The following ADCY8 variants were observed in gnomAD, a reference collection of about 807,000 sequenced individuals.
The protein encoded by ADCY8 is adenylate cyclase 8, also known as adenylate cyclase type 8.
In ADCY8, 51 loss-of-function variants were observed where a neutral mutation model predicts 119.7. The ratio of observed to expected loss-of-function variants is 0.43; its 90% CI spans 0.34 to 0.54. The LOEUF is 0.54. ADCY8 is among the 20% of genes least tolerant of loss of function. The pLI, the probability that ADCY8 is intolerant of heterozygous loss-of-function variation, is 0.03. For missense variants in ADCY8, 1,383 were observed against 1,598.8 expected (o/e 0.87, Z 2.30); for synonymous variants, 665 against 651.0 (o/e 1.02, Z -0.33).
intron 14 of ADCY8, among the ~76,000 whole-genome samples, chr8:130,802,748 T>C (rs73716262): frequency 0.058 from 8,880 of 152,290 alleles, 847 homozygotes; most frequent in African/African-American, 0.2. Context: ...CCCTTGTGTT[T>C]CTTCTCCGCT....
chr8:130,826,488 C>A (rs1001966036), intron 12 of ADCY8, among the ~76,000 whole-genome samples: 1 of 152,146 alleles, frequency 6.6e-6, no homozygotes, highest in Non-Finnish European at 1.5e-5. Flanking sequence ...CTTTAATTCC[C>A]TCCAAATGCT....
chr8:130,894,320 C>A (rs895427582), intron 7 of ADCY8, among the ~76,000 whole-genome samples: 17 of 152,224 alleles, frequency 1.1e-4, no homozygotes, highest in Middle Eastern at 3.4e-3. Flanking sequence ...ACACACATTT[C>A]TATAAGAATG....
intron 17 of ADCY8, among the ~76,000 whole-genome samples, chr8:130,782,179 G>A (rs1815102763): frequency 6.6e-6 from 1 of 152,086 alleles, no homozygotes; most frequent in East Asian, 1.9e-4. Flanking sequence ...ATTCTAGGCC[G>A]AGGCAAAAGC....
chr8:130,996,521 T>C (rs941744496), intron 1 of ADCY8, among the ~76,000 whole-genome samples: 1 of 152,028 alleles, frequency 6.6e-6, no homozygotes, highest in African/African-American at 2.4e-5. Context: ...CTATGCTGTA[T>C]AGAAACAGAC....
chr8:130,797,238 AT>A (rs138895436), intron 15 of ADCY8, among the ~76,000 whole-genome samples: 1,526 of 152,048 alleles, frequency 0.01, 27 homozygotes, highest in African/African-American at 0.035. Context: ...TTTTTTGCGA[AT>A]TTTTTTAAAG....
chr8:130,925,832 A>AT (rs1487072306), intron 5 of ADCY8, among the ~76,000 whole-genome samples: 1 of 152,032 alleles, frequency 6.6e-6, no homozygotes, highest in African/African-American at 2.4e-5. Context: ...CATCCTTTCT[A>AT]TTTCACAGCT....
In ADCY8 at chr8:130,780,447, G is replaced by C. The variant is rs927395121; in HGVS notation, c.3699C>G (p.Pro1233=). 1.2e-6 allele frequency: 2 copies of C among 1,613,370 alleles called. No homozygotes were observed. The highest frequency in any genetic ancestry group is 3.3e-5 in the Admixed American group (2 of 59,972). ...GHYNRRTLLS[P]SGTEPGAQAE... ...CCTGGGCTCCAGGCTCTGTGCCGCTGGGTGACAACAAAGTCCGCCGGTTGT... is the reference window on the plus strand; with the variant it reads ...CCTGGGCTCCAGGCTCTGTGCCGCTCGGTGACAACAAAGTCCGCCGGTTGT... Residue 1233 remains proline, a synonymous_variant, in exon 18 of 18, where the codon CCC becomes CCG. Transcript: ENST00000286355.
intron 12 of ADCY8, among the ~76,000 whole-genome samples, chr8:130,830,641 G>A (rs1348182615): frequency 6.6e-6 from 1 of 152,058 alleles, no homozygotes; most frequent in South Asian, 2.1e-4. Context: ...TGAACCTTGG[G>A]TATCTACCCC....
intron 1 of ADCY8, among the ~76,000 whole-genome samples, chr8:131,006,611 T>C (rs533617689): frequency 1.2e-4 from 18 of 152,314 alleles, no homozygotes; most frequent in Non-Finnish European, 1.5e-5. Context: ...ACATGAAATC[T>C]TAGGAAGCTT....
chr8:130,905,883 A>G (rs1205056365), intron 6 of ADCY8, among the ~76,000 whole-genome samples: 1 of 152,208 alleles, frequency 6.6e-6, no homozygotes, highest in Non-Finnish European at 1.5e-5. Flanking sequence ...AAATTCATTA[A>G]TTAAATAAAA....
chr8:130,814,017 C>G, intron 14 of ADCY8, 52 bp downstream of exon 14: 1 of 1,603,116 alleles, frequency 6.2e-7, no homozygotes, highest in Non-Finnish European at 8.5e-7. Flanking sequence ...TGAACAACTG[C>G]ACATCACCCA....
At position 130,807,977 on chromosome 8, in the gene ADCY8, C is replaced by G. The variant is rs528297767; in HGVS notation, c.2913+6092G>C. Among the ~76,000 whole-genome samples the G allele has an allele frequency of 8.1e-4, 46 of 57,020 alleles. 1 individual carries two copies. The highest frequency in any genetic ancestry group is 2.5e-3 in the African/African-American group (41 of 16,334). The allele number at this position is 57,020 out of a possible 152,430, so 37.4% of individuals were successfully genotyped here. On this transcript the variant is annotated intron_variant, in intron 14 of 17. Coordinates refer to ENST00000286355, the MANE Select transcript of ADCY8 (RefSeq NM_001115.3). ...CCAGCCTGGGTGACAGAGCGAGACT[C>G]CGTCTCAAAAAAAAAAAAAAAAAAA... is the stretch of plus-strand genomic sequence containing the variant.
chr8:130,960,923 A>G (rs945496490), intron 2 of ADCY8, among the ~76,000 whole-genome samples: 7 of 152,166 alleles, frequency 4.6e-5, no homozygotes, highest in Non-Finnish European at 8.8e-5. Context: ...TGGTTTTAAC[A>G]TACCTCTTAG....
At chr8:130,817,388 C>T (rs1816381004) in intron 13 of ADCY8, among the ~76,000 whole-genome samples, 1 of 152,164 alleles carries the variant, frequency 6.6e-6, no homozygotes. Context: ...TCCCAGTGTC[C>T]AGATTGTGGT....
At chr8:130,855,418 C>T (rs192950899) in intron 9 of ADCY8, among the ~76,000 whole-genome samples, 1 of 152,058 alleles carries the variant, frequency 6.6e-6, no homozygotes, top group Non-Finnish European at 1.5e-5. Flanking sequence ...GGATTTTTCT[C>T]CTCGCTAGGT....
intron 8 of ADCY8, among the ~76,000 whole-genome samples, chr8:130,869,341 C>A (rs533350627): frequency 2.0e-5 from 3 of 151,844 alleles, no homozygotes; most frequent in Non-Finnish European, 4.4e-5. Context: ...ATAGTGCTAC[C>A]CAAGAACAGG....
At chr8:130,946,798 A>C (rs1563740084) in intron 3 of ADCY8, among the ~76,000 whole-genome samples, 1 of 152,126 alleles carries the variant, frequency 6.6e-6, no homozygotes, top group Non-Finnish European at 1.5e-5. Flanking sequence ...CATCTCATGA[A>C]ATTGTTAGAA....
intron 9 of ADCY8, among the ~76,000 whole-genome samples, chr8:130,867,026 A>C (rs978665265): frequency 6.6e-5 from 10 of 152,194 alleles, no homozygotes; most frequent in African/African-American, 2.2e-4. Flanking sequence ...GTATTTAAAA[A>C]ATATTTGTTG....
At position 130,780,881 on chromosome 8, in the gene ADCY8, G is replaced by T. The variant is rs769293936; in HGVS notation, c.3269-4C>A. Reference sequence around the variant, plus strand: ...ACCACTGAGCCGTGGCTGATGCCTGGGGGGTGAAGCAAAGGAGCAAGAAGT... The same window carrying T: ...ACCACTGAGCCGTGGCTGATGCCTGTGGGGTGAAGCAAAGGAGCAAGAAGT... On this transcript the variant is annotated splice_region_variant and splice_polypyrimidine_tract_variant and intron_variant, in intron 17 of 17. Transcript: ENST00000286355. The T allele has an allele frequency of 3.1e-6, 5 of 1,612,304 alleles. No individual in the cohort carries two copies. The South Asian group carries it at 4.4e-5, about 14-fold the overall frequency.
Sources: allele counts gnomAD v4.1 joint callset (sites outside exome capture counted in the v4.1 genomes callset), GRCh38; gene constraint gnomAD v4.1.1; transcripts MANE v1.5; gene names NCBI Gene and HGNC (gene_info 2026-07-23, HGNC 2026-07-21).